Variants in TSPAN5 observed in about 807,000 individuals in gnomAD.
TSPAN5 encodes the protein tetraspanin-5.
A neutral mutation model predicts 37.1 loss-of-function variants in TSPAN5; 10 were observed. The observed-to-expected ratio is 0.27, with a 90% CI of 0.17 to 0.46. TSPAN5 has a LOEUF of 0.46. Among genes scored for constraint, TSPAN5 ranks in the 20% least tolerant of loss-of-function variants. The probability of loss-of-function intolerance (pLI) is 1.00; values close to 1 mark genes in which losing one functional copy is unlikely to be tolerated. For synonymous variants in TSPAN5, 110 were observed against 118.9 expected (o/e 0.93, Z 0.48); for missense variants, 195 against 326.6 (o/e 0.60, Z 3.11).
chr4:98,532,052 CTTTAG>C (rs1386509823), intron 1 of TSPAN5, among the ~76,000 whole-genome samples: 3 of 152,196 alleles, frequency 2.0e-5, no homozygotes, highest in African/African-American at 4.8e-5. Context: ...TGCAGAAGCT[CTTTAG>C]TTTAATTAGA....
At chr4:98,480,161 C>T (rs542523321) in intron 4 of TSPAN5, among the ~76,000 whole-genome samples, 2 of 152,144 alleles carry the variant, frequency 1.3e-5, no homozygotes, top group South Asian at 2.1e-4. Flanking sequence ...GGCCAGATCC[C>T]GCAATAATGG....
chr4:98,645,138 C>T (rs1201306368), intron 1 of TSPAN5, among the ~76,000 whole-genome samples: 1 of 152,174 alleles, frequency 6.6e-6, no homozygotes, highest in Admixed American at 6.5e-5. Context: ...TTTTCATCCT[C>T]TGGTCTAGTT....
intron 1 of TSPAN5, among the ~76,000 whole-genome samples, chr4:98,626,722 T>A (rs1449159019): frequency 5.3e-5 from 8 of 152,078 alleles, no homozygotes; most frequent in Non-Finnish European, 8.8e-5. Context: ...TGGGAGGCCT[T>A]CCCTGGCCAC....
chr4:98,565,271 CAT>C (rs772290870), intron 1 of TSPAN5, among the ~76,000 whole-genome samples: 25 of 152,278 alleles, frequency 1.6e-4, no homozygotes, highest in South Asian at 4.2e-4. Flanking sequence ...TCAATGTCCA[CAT>C]GTCAGTTAAA....
At chr4:98,543,914 C>A (rs555327487) in intron 1 of TSPAN5, among the ~76,000 whole-genome samples, 7 of 152,114 alleles carry the variant, frequency 4.6e-5, no homozygotes, top group Non-Finnish European at 1.0e-4. Context: ...CAGTGGCACA[C>A]ACCTGTAATC....
chr4:98,487,441 C>T (rs1283077793), intron 2 of TSPAN5, among the ~76,000 whole-genome samples: 1 of 152,124 alleles, frequency 6.6e-6, no homozygotes, highest in African/African-American at 2.4e-5. Context: ...TCTGTAAGAC[C>T]CAATTCACGC....
chr4:98,557,982 T>C (rs998220951), intron 1 of TSPAN5, among the ~76,000 whole-genome samples: 1 of 152,140 alleles, frequency 6.6e-6, no homozygotes, highest in Non-Finnish European at 1.5e-5. Flanking sequence ...AACAACGTAA[T>C]GTAGTGCCCA....
chr4:98,493,694 A>C (rs1329287308), intron 2 of TSPAN5, among the ~76,000 whole-genome samples: 1 of 152,202 alleles, frequency 6.6e-6, no homozygotes, highest in African/African-American at 2.4e-5. Context: ...TATTCATAAG[A>C]ATTCTTCGTA....
chr4:98,566,053 G>C (rs1389405441), intron 1 of TSPAN5, among the ~76,000 whole-genome samples: 1 of 152,194 alleles, frequency 6.6e-6, no homozygotes. Context: ...TACATCTCCA[G>C]GGGAAATGAG....
chr4:98,578,969 C>T (rs1489413497), intron 1 of TSPAN5, among the ~76,000 whole-genome samples: 2 of 152,176 alleles, frequency 1.3e-5, no homozygotes, highest in African/African-American at 2.4e-5. Flanking sequence ...GTATGCCCCA[C>T]ACCCTTGACT....
chr4:98,526,280 C>T (rs1189734390), intron 1 of TSPAN5, among the ~76,000 whole-genome samples: 1 of 152,180 alleles, frequency 6.6e-6, no homozygotes, highest in African/African-American at 2.4e-5. Flanking sequence ...AACCTAATGT[C>T]ATTCTTTTTC....
At chr4:98,528,292 C>T (rs1754007233) in intron 1 of TSPAN5, among the ~76,000 whole-genome samples, 1 of 152,072 alleles carries the variant, frequency 6.6e-6, no homozygotes, top group Non-Finnish European at 1.5e-5. Flanking sequence ...TTAAAATATT[C>T]CTTAAATATG....
intron 1 of TSPAN5, among the ~76,000 whole-genome samples, chr4:98,615,754 ATAT>A (rs1015820497): frequency 2.6e-5 from 4 of 152,152 alleles, no homozygotes; most frequent in Non-Finnish European, 5.9e-5. Flanking sequence ...ACACACACAC[ATAT>A]TGATTCTTAG....
chr4:98,515,930 A>C (rs1477826209), intron 1 of TSPAN5, among the ~76,000 whole-genome samples: 4 of 152,182 alleles, frequency 2.6e-5, no homozygotes, highest in Admixed American at 2.0e-4. Context: ...ATTTTGATTA[A>C]TTTAATTTCT....
At chr4:98,568,177 A>G (rs1755049478) in intron 1 of TSPAN5, among the ~76,000 whole-genome samples, 1 of 152,178 alleles carries the variant, frequency 6.6e-6, no homozygotes, top group Non-Finnish European at 1.5e-5. Flanking sequence ...AGGAAACTCC[A>G]GCAGACAGAC....
At chr4:98,651,626 T>A (rs972332587) in intron 1 of TSPAN5, among the ~76,000 whole-genome samples, 6 of 152,160 alleles carry the variant, frequency 3.9e-5, no homozygotes, top group Non-Finnish European at 8.8e-5. Flanking sequence ...TTCCTATTGG[T>A]TTAATGTTTC....
At chr4:98,514,133 C>A (rs1043646844) in intron 1 of TSPAN5, among the ~76,000 whole-genome samples, 2 of 152,078 alleles carry the variant, frequency 1.3e-5, no homozygotes, top group Admixed American at 1.3e-4. Context: ...TGGAAAAAAA[C>A]CCAACATTCT....
At chr4:98,528,319 G>A (rs1306160396) in intron 1 of TSPAN5, among the ~76,000 whole-genome samples, 6 of 151,828 alleles carry the variant, frequency 4.0e-5, no homozygotes, top group Non-Finnish European at 8.8e-5. Flanking sequence ...TAGAAGACTG[G>A]TATAAAACCC....
chr4:98,482,428 G>A, intron 3 of TSPAN5: 1 of 311,166 alleles, frequency 3.2e-6, no homozygotes, highest in Non-Finnish European at 5.9e-6. Context: ...AAGCCCATAA[G>A]CAAACATGGA....
Sources: gnomAD v4.1 joint callset for allele counts (sites outside exome capture counted in the v4.1 genomes callset) on GRCh38, gnomAD v4.1.1 for gene constraint, MANE v1.5 for transcripts, NCBI Gene and HGNC (gene_info 2026-07-23, HGNC 2026-07-21) for gene names.